The following VKORC1L1 variants were observed in gnomAD, a reference collection of about 807,000 sequenced individuals.
The protein encoded by VKORC1L1 is vitamin K epoxide reductase complex subunit 1-like protein 1.
In VKORC1L1, 2 loss-of-function variants were observed where a neutral mutation model predicts 18.9. The observed-to-expected ratio is 0.11, with a 90% CI of 0.04 to 0.33. VKORC1L1 has a LOEUF of 0.33. VKORC1L1 is among the 10% of genes least tolerant of loss of function. The pLI is 1.00. For missense variants in VKORC1L1, 123 were observed against 224.1 expected (o/e 0.55, Z 2.88); for synonymous variants, 96 against 100.0 (o/e 0.96, Z 0.24).
intron 1 of VKORC1L1, among the ~76,000 whole-genome samples, chr7:65,947,882 G>C (rs1374667277): frequency 6.6e-6 from 1 of 152,064 alleles, no homozygotes. Flanking sequence ...AGTAGAGACG[G>C]GTTTCACCAT....
At chr7:65,929,785 C>T (rs1445120998) in intron 1 of VKORC1L1, among the ~76,000 whole-genome samples, 1 of 150,698 alleles carries the variant, frequency 6.6e-6, no homozygotes, top group Admixed American at 6.6e-5. Flanking sequence ...CTGCCTTGGC[C>T]TCCCAAAGTG....
chr7:65,873,157 G>C lies in VKORC1L1; in HGVS notation c.-215G>C. ...CGCCCGCGCGCGCCTTCCCCGCCCC[G>C]TCCGCCTCACTCCTTTTGGGGCGGT... On this transcript the variant is annotated 5_prime_UTR_variant, in exon 1 of 3. Transcript: ENST00000360768. The C allele has an allele frequency of 2.0e-6, 1 of 488,194 alleles. No individual in the cohort carries two copies. Among genetic ancestry groups the C allele is most frequent in the Non-Finnish European group, 2.7e-6 (1 of 376,218 alleles). 30.2% of individuals were successfully genotyped at this position (488,194 alleles called of 1,614,324 possible).
chr7:65,867,293 C>T, the VKORC1L1 span, among the ~76,000 whole-genome samples: 2 of 152,046 alleles, frequency 1.3e-5, no homozygotes, highest in African/African-American at 4.8e-5. Context: ...ACCTACCTCT[C>T]GCTGGGTCTA....
chr7:65,910,173 A>G (rs926414762), intron 1 of VKORC1L1, among the ~76,000 whole-genome samples: 2 of 152,204 alleles, frequency 1.3e-5, no homozygotes, highest in Non-Finnish European at 2.9e-5. Flanking sequence ...AGAAGCACTG[A>G]GTCTGTTCTG....
At chr7:65,935,357 T>A (rs939508239) in intron 1 of VKORC1L1, among the ~76,000 whole-genome samples, 1 of 152,040 alleles carries the variant, frequency 6.6e-6, no homozygotes, top group Non-Finnish European at 1.5e-5. Flanking sequence ...GTCACCAGGC[T>A]GGAGTGCAGT....
intron 1 of VKORC1L1, among the ~76,000 whole-genome samples, chr7:65,924,884 T>TCTCCTGTAC (rs1789734878): frequency 6.6e-6 from 1 of 152,196 alleles, no homozygotes; most frequent in African/African-American, 2.4e-5. Flanking sequence ...TTCCTTAGAT[T>TCTCCTGTAC]CTCCTGTACC....
At chr7:65,950,974 C>T (rs1276782628) in intron 2 of VKORC1L1, among the ~76,000 whole-genome samples, 4 of 152,190 alleles carry the variant, frequency 2.6e-5, no homozygotes, top group Admixed American at 6.5e-5. Flanking sequence ...AACCTAAGAA[C>T]AGCCTTTGAC....
chr7:65,886,876 T>C (rs1337628614), intron 1 of VKORC1L1, among the ~76,000 whole-genome samples: 2 of 98,756 alleles, frequency 2.0e-5, no homozygotes, highest in Non-Finnish European at 4.1e-5. Context: ...CTGAGACAGA[T>C]TGTTACTCTG....
chr7:65,951,597 T>C (rs1790215167), intron 2 of VKORC1L1, among the ~76,000 whole-genome samples: 1 of 151,576 alleles, frequency 6.6e-6, no homozygotes, highest in African/African-American at 2.4e-5. Flanking sequence ...TATATATATA[T>C]ACATATATAA....
intron 1 of VKORC1L1, among the ~76,000 whole-genome samples, chr7:65,904,544 A>G (rs749594642): frequency 3.3e-5 from 5 of 152,308 alleles, no homozygotes; most frequent in Non-Finnish European, 7.3e-5. Flanking sequence ...ATGGAGTGGT[A>G]TACTTCACCT....
intron 1 of VKORC1L1, among the ~76,000 whole-genome samples, chr7:65,906,574 C>G (rs1789410110): frequency 6.6e-6 from 1 of 152,058 alleles, no homozygotes; most frequent in South Asian, 2.1e-4. Flanking sequence ...TTGAGAGGAC[C>G]ACAAATTCAG....
intron 1 of VKORC1L1, among the ~76,000 whole-genome samples, chr7:65,935,854 C>A (rs1011371661): frequency 1.3e-5 from 2 of 151,996 alleles, no homozygotes; most frequent in East Asian, 3.9e-4. Context: ...TTTTTCATAC[C>A]TTTTTGTGCA....
At chr7:65,935,045 T>G (rs1789918241) in intron 1 of VKORC1L1, among the ~76,000 whole-genome samples, 1 of 146,404 alleles carries the variant, frequency 6.8e-6, no homozygotes, top group East Asian at 2.0e-4. Flanking sequence ...CAGTGTGAGA[T>G]TACATCTCAA....
At chr7:65,889,210 G>A (rs1018472612) in intron 1 of VKORC1L1, among the ~76,000 whole-genome samples, 1 of 151,654 alleles carries the variant, frequency 6.6e-6, no homozygotes, top group Non-Finnish European at 1.5e-5. Flanking sequence ...CCATGTCCAT[G>A]GTCTCACTCA....
chr7:65,885,244 T>C (rs1274663411), intron 1 of VKORC1L1, among the ~76,000 whole-genome samples: 1 of 152,104 alleles, frequency 6.6e-6, no homozygotes, highest in African/African-American at 2.4e-5. Flanking sequence ...TTCTGGGTTG[T>C]TTATCTTTTC....
chr7:65,893,618 C>T (rs1376620201), intron 1 of VKORC1L1, among the ~76,000 whole-genome samples: 1 of 152,126 alleles, frequency 6.6e-6, no homozygotes, highest in African/African-American at 2.4e-5. Context: ...TGTGCCACTG[C>T]ACTCCAGCCT....
chr7:65,934,394 C>A (rs941164652), intron 1 of VKORC1L1, among the ~76,000 whole-genome samples: 1 of 152,118 alleles, frequency 6.6e-6, no homozygotes, highest in African/African-American at 2.4e-5. Context: ...TGAGAACATT[C>A]GAAATTTATT....
intron 1 of VKORC1L1, among the ~76,000 whole-genome samples, chr7:65,912,483 G>T (rs1484607187): frequency 2.0e-5 from 3 of 152,174 alleles, no homozygotes; most frequent in Non-Finnish European, 4.4e-5. Context: ...TCTGATTTGT[G>T]TAATGGATTA....
intron 1 of VKORC1L1, among the ~76,000 whole-genome samples, chr7:65,941,478 A>T (rs1024084173): frequency 6.6e-6 from 1 of 152,050 alleles, no homozygotes; most frequent in Non-Finnish European, 1.5e-5. Context: ...AATAATTTTT[A>T]AAAATACATT....
Sources: gnomAD v4.1 joint callset for allele counts (sites outside exome capture counted in the v4.1 genomes callset) on GRCh38, gnomAD v4.1.1 for gene constraint, MANE v1.5 for transcripts, NCBI Gene and HGNC (gene_info 2026-07-23, HGNC 2026-07-21) for gene names.